The following NALF1 variants were observed in gnomAD, a reference collection of about 807,000 sequenced individuals.
NALF1 encodes family with sequence similarity 155 member A.
NALF1 carries 3 observed loss-of-function variants against 48.4 expected under a neutral mutation model. That is an observed-to-expected ratio of 0.06 (90% CI 0.03 to 0.16). The LOEUF (loss-of-function observed/expected upper bound fraction) is 0.16, where lower values mean the gene tolerates loss of function less well. Among genes scored for constraint, NALF1 ranks in the 10% least tolerant of loss-of-function variants. NALF1 has a pLI of 1.00. For missense variants in NALF1, 526 were observed against 571.5 expected, an observed-to-expected ratio of 0.92 and a Z score of 0.81; for synonymous variants, 262 against 245.7, an observed-to-expected ratio of 1.07 and a Z score of -0.62.
chr13:107,691,888 A>G (rs1881576534), intron 1 of NALF1, among the ~76,000 whole-genome samples: 1 of 152,230 alleles, frequency 6.6e-6, no homozygotes. Context: ...TTTAAGCCAC[A>G]ACACTAAACT....
chr13:107,389,034 C>T (rs1281633045), intron 1 of NALF1, among the ~76,000 whole-genome samples: 5 of 152,168 alleles, frequency 3.3e-5, no homozygotes, highest in African/African-American at 7.2e-5. Flanking sequence ...AAATAGTCGC[C>T]GCACTGAGAC....
chr13:107,826,600 G>A (rs75502193), intron 1 of NALF1, among the ~76,000 whole-genome samples: 1,809 of 152,294 alleles, frequency 0.012, 36 homozygotes, highest in African/African-American at 0.041. Context: ...TTTTCAGTAA[G>A]TTTAGCAGAC....
intron 1 of NALF1, among the ~76,000 whole-genome samples, chr13:107,819,089 T>A (rs1374861544): frequency 6.6e-6 from 1 of 152,192 alleles, no homozygotes; most frequent in African/African-American, 2.4e-5. Context: ...AACCTGTAAC[T>A]TTTGTAATGT....
At chr13:107,756,829 T>G (rs1052976267) in intron 1 of NALF1, among the ~76,000 whole-genome samples, 1 of 152,122 alleles carries the variant, frequency 6.6e-6, no homozygotes, top group Non-Finnish European at 1.5e-5. Flanking sequence ...AGAAGACATA[T>G]TGCATTGAAA....
At chr13:107,337,604 C>T (rs1449125956) in intron 1 of NALF1, among the ~76,000 whole-genome samples, 3 of 152,076 alleles carry the variant, frequency 2.0e-5, no homozygotes, top group African/African-American at 7.2e-5. Flanking sequence ...CCTTTCGTGC[C>T]CTTAATCCTA....
intron 1 of NALF1, among the ~76,000 whole-genome samples, chr13:107,273,510 A>C (rs1881217804): frequency 6.6e-6 from 1 of 152,150 alleles, no homozygotes. Context: ...ATCATTCTCA[A>C]ATTTACTTTC....
intron 1 of NALF1, among the ~76,000 whole-genome samples, chr13:107,379,226 C>T (rs1883390612): frequency 6.6e-6 from 1 of 152,096 alleles, no homozygotes; most frequent in Non-Finnish European, 1.5e-5. Context: ...TGAGTGATAA[C>T]CCAGAAATAA....
At position 107,845,172 on chromosome 13, in the gene NALF1, G is replaced by A. The variant is rs74112677; in HGVS notation, c.915+20510C>T. ...AAGATTTTTTAAATTCTTAATTTTG[G>A]TTGAATGCACTAATTTCTTTTGTCA... On this transcript the variant is annotated intron_variant, in intron 1 of 2. Transcript: ENST00000375915. Among the ~76,000 whole-genome samples, 303 of 152,230 alleles carry A rather than the reference G, an allele frequency of 2.0e-3. 1 individual carries two copies. Among genetic ancestry groups the A allele is most frequent in the African/African-American group, 6.8e-3 (281 of 41,534 alleles).
chr13:107,539,897 T>A (rs1378520683), intron 1 of NALF1, among the ~76,000 whole-genome samples: 6 of 152,160 alleles, frequency 3.9e-5, no homozygotes, highest in Non-Finnish European at 8.8e-5. Context: ...TATACATTAC[T>A]GAGACGTATA....
intron 1 of NALF1, among the ~76,000 whole-genome samples, chr13:107,496,127 T>C (rs959969947): frequency 2.0e-5 from 3 of 152,176 alleles, no homozygotes; most frequent in Admixed American, 1.3e-4. Flanking sequence ...TTTATTAGAA[T>C]TGTAAACTAC....
intron 1 of NALF1, among the ~76,000 whole-genome samples, chr13:107,455,865 T>C (rs1038118566): frequency 2.7e-5 from 3 of 110,894 alleles, no homozygotes; most frequent in Non-Finnish European, 5.1e-5. Context: ...CGATAACTCT[T>C]TTTTTTTTTT....
chr13:107,783,276 C>T (rs865811823), intron 1 of NALF1, among the ~76,000 whole-genome samples: 8 of 66,468 alleles, frequency 1.2e-4, no homozygotes, highest in Non-Finnish European at 5.7e-5. Flanking sequence ...TCGCCCCGTC[C>T]GGGAGGTGAG....
At chr13:107,234,327 CTT>C (rs1353042575) in intron 1 of NALF1, among the ~76,000 whole-genome samples, 1 of 152,212 alleles carries the variant, frequency 6.6e-6, no homozygotes, top group African/African-American at 2.4e-5. Flanking sequence ...TGCTCGGTGA[CTT>C]TGCCTGCTTT....
At chr13:107,761,168 T>G (rs1877251935) in intron 1 of NALF1, among the ~76,000 whole-genome samples, 1 of 152,072 alleles carries the variant, frequency 6.6e-6, no homozygotes, top group African/African-American at 2.4e-5. Context: ...CCATTCTGGC[T>G]AACACGGTGA....
rs1880209447 is a variant in NALF1 at position 107,230,996 on chromosome 13, G to T, written c.916-20241C>A. 4.1e-5 allele frequency among the ~76,000 whole-genome samples: 6 copies of T among 147,194 alleles called. No homozygotes were observed. In the South Asian group the frequency reaches 1.3e-3, roughly 32 times the overall value. On this transcript the variant is annotated intron_variant, in intron 1 of 2. Coordinates refer to ENST00000375915, the MANE Select transcript of NALF1 (RefSeq NM_001080396.3). ...GATTGCTTGAGCCTGGGAGGTTGAG[G>T]TTGCAGTGAGCCCATGGTTGTGTCT...
chr13:107,749,598 TATATA>T lies in NALF1; in HGVS notation c.915+116079_915+116083del, dbSNP rs1327752192. Among the ~76,000 whole-genome samples the T allele has an allele frequency of 8.2e-4, 124 of 151,992 alleles. 1 individual carries two copies. Among genetic ancestry groups the T allele is most frequent in the African/African-American group, 2.9e-3 (122 of 41,496 alleles). On this transcript the variant is annotated intron_variant, in intron 1 of 2. Coordinates refer to ENST00000375915, the MANE Select transcript of NALF1 (RefSeq NM_001080396.3). ...ACATACTATAATATACTATGTAGTATATATAATATACTATATACTATTTTACATAC... is the reference window on the plus strand; with the variant it reads ...ACATACTATAATATACTATGTAGTATATATACTATATACTATTTTACATAC...
intron 1 of NALF1, among the ~76,000 whole-genome samples, chr13:107,239,890 A>C (rs779181866): frequency 6.6e-6 from 1 of 152,178 alleles, no homozygotes; most frequent in Non-Finnish European, 1.5e-5. Flanking sequence ...GGAGAAAGCC[A>C]CCTGCTGGAG....
At chr13:107,545,055 C>T (rs563140183) in intron 1 of NALF1, among the ~76,000 whole-genome samples, 11 of 152,262 alleles carry the variant, frequency 7.2e-5, no homozygotes, top group African/African-American at 1.9e-4. Flanking sequence ...GATATGCCGA[C>T]GTCCTAACCC....
At chr13:107,661,324 T>C (rs1880730134) in intron 1 of NALF1, among the ~76,000 whole-genome samples, 1 of 152,222 alleles carries the variant, frequency 6.6e-6, no homozygotes, top group Non-Finnish European at 1.5e-5. Context: ...TAAACTAGGC[T>C]GCATCATATA....
Sources: allele counts gnomAD v4.1 joint callset (sites outside exome capture counted in the v4.1 genomes callset), GRCh38; gene constraint gnomAD v4.1.1; transcripts MANE v1.5; gene names NCBI Gene and HGNC (gene_info 2026-07-23, HGNC 2026-07-21).